Variants in DNLZ observed in about 807,000 individuals in gnomAD.
DNLZ encodes the protein DNL-type zinc finger, also known as DNL-type zinc finger protein.
A neutral mutation model predicts 7.8 loss-of-function variants in DNLZ; 15 were observed. The observed-to-expected ratio is 1.91, with a 90% CI of 1.28 to 2.95. The LOEUF (loss-of-function observed/expected upper bound fraction) is 2.95. Among genes scored for constraint, DNLZ ranks in the 30% most tolerant of loss-of-function variants. The pLI, the probability that DNLZ is intolerant of heterozygous loss-of-function variation, is 0.00. For synonymous variants in DNLZ, 123 were observed against 77.8 expected, an observed-to-expected ratio of 1.58 and a Z score of -3.05; for missense variants, 255 against 167.3, an observed-to-expected ratio of 1.52 and a Z score of -2.89.
chr9:136,362,861 T>C, intron 2 of DNLZ, 128 bp downstream of exon 2: 1 of 790,068 alleles, frequency 1.3e-6, no homozygotes, highest in Non-Finnish European at 2.1e-6. Flanking sequence ...CTGTGTGTCT[T>C]GTATTGATAA....
At position 136,363,719 on chromosome 9, in the gene DNLZ, C is replaced by T. The variant is rs908140474; in HGVS notation, c.-5G>A. 5 of 461,608 alleles carry T rather than the reference C, an allele frequency of 1.1e-5. No individual in the cohort carries two copies. The highest frequency in any genetic ancestry group is 3.0e-5 in the South Asian group (1 of 33,280). The allele number at this position is 461,608 out of a possible 1,614,324, so 28.6% of individuals were successfully genotyped here. On this transcript the variant is annotated 5_prime_UTR_variant, in exon 1 of 3. Transcript: ENST00000371738. ...GCGCAGCGCAGTCCGCAGCATCCCG[C>T]TCGCCGGCTCCGTCCGCCCTGCCCC... is the stretch of plus-strand genomic sequence containing the variant.
Position 136,360,894 on chromosome 9 carries a change from A to C in DNLZ, c.*1118T>G, listed in dbSNP as rs576128055. The stretch of plus-strand genomic sequence containing the variant: ...CTGGAGGCAGTGAGGCAGCCAAGCC[A>C]AGCCCAGCCCCACTGCACTTCCAAG... On this transcript the variant is annotated 3_prime_UTR_variant, in exon 3 of 3. Coordinates refer to ENST00000371738, the MANE Select transcript of DNLZ (RefSeq NM_001080849.3). The C allele has an allele frequency of 1.1e-4, 16 of 152,336 alleles. No individual in the cohort carries two copies. The highest frequency in any genetic ancestry group is 3.1e-4 in the African/African-American group (13 of 41,546). 9.4% of individuals were successfully genotyped at this position (152,336 alleles called of 1,614,324 possible).
At position 136,363,741 on chromosome 9, in the gene DNLZ, C is replaced by CCCCGGCCCTGT. The variant is rs1833034743; in HGVS notation, c.-28_-27insACAGGGCCGGG. 2.1e-6 allele frequency: 1 copy of CCCCGGCCCTGT among 485,256 alleles called. No homozygotes were observed. Among genetic ancestry groups the CCCCGGCCCTGT allele is most frequent in the Non-Finnish European group, 3.6e-6 (1 of 280,940 alleles). The allele number at this position is 485,256 out of a possible 1,614,324, so 30.1% of individuals were successfully genotyped here. A position where few individuals can be genotyped will look rare whatever the true frequency, so the allele number is the denominator to read the frequency against. On this transcript the variant is annotated 5_prime_UTR_variant, in exon 1 of 3. Transcript: ENST00000371738. ...CCGCTCGCCGGCTCCGTCCGCCCTG[C>CCCCGGCCCTGT]CCCGGCCCCGCCCCGCCGCCATCTT...
Position 136,363,126 on chromosome 9 carries a change from G to T in DNLZ, c.231C>A (p.Val77=). Residue 77 remains valine, a splice_region_variant and synonymous_variant, in exon 2 of 3, where the codon GTC becomes GTA. Transcript: ENST00000371738. The stretch of plus-strand genomic sequence containing the variant: ...TGCGCTTGGAGGACCTAGTCCCGCA[G>T]ACCTGGCTGGGACAGGGTAGCTGGT... ...AHYQLVYTCK[V]CGTRSSKRIS... The T allele has an allele frequency of 6.2e-7, 1 of 1,613,168 alleles. No individual in the cohort carries two copies. The highest frequency in any genetic ancestry group is 8.5e-7 in the Non-Finnish European group (1 of 1,179,938).
chr9:136,362,968 G>A, intron 2 of DNLZ, 21 bp downstream of exon 2: 1 of 1,612,916 alleles, frequency 6.2e-7, no homozygotes, highest in Non-Finnish European at 8.5e-7. Flanking sequence ...TTCTGGCCCA[G>A]CCCTGGGGTA....
At position 136,363,632 on chromosome 9, in the gene DNLZ, C is replaced by A. The variant is rs991838959; in HGVS notation, c.83G>T (p.Gly28Val). ...PRAPCLRRLW[G>V]RGARPEVAGR... ...CGCGACCTCTGGACGGGCCCCGCGGCCCCACAGCCGCCTCAGGCAGGGCGC... is the reference window on the plus strand; with the variant it reads ...CGCGACCTCTGGACGGGCCCCGCGGACCCACAGCCGCCTCAGGCAGGGCGC... Residue 28 changes from glycine to valine, a missense_variant, in exon 1 of 3, where the codon GGC (glycine) becomes GTC (valine). Gly to Val is a moderately radical substitution (Grantham distance 109). Transcript: ENST00000371738. 5.8e-5 allele frequency: 26 copies of A among 450,410 alleles called. No individual in the cohort carries two copies. The highest frequency in any genetic ancestry group is 9.3e-5 in the Non-Finnish European group (24 of 258,670). 27.9% of individuals were successfully genotyped at this position (450,410 alleles called of 1,614,324 possible).
rs1429953953 is a variant in DNLZ at position 136,359,636 on chromosome 9, C to T, written c.*2376G>A. 2 of 152,372 alleles carry T rather than the reference C, an allele frequency of 1.3e-5. No homozygotes were observed. Among genetic ancestry groups the T allele is most frequent in the Non-Finnish European group, 2.9e-5 (2 of 68,044 alleles). The allele number at this position is 152,372 out of a possible 1,614,324, so 9.4% of individuals were successfully genotyped here. ...TATGGGCTTAGTCCCGGGTGGGGGC[C>T]TAACCCGGTAAGAGGCTGCACTGTG... is the stretch of plus-strand genomic sequence containing the variant. On this transcript the variant is annotated 3_prime_UTR_variant, in exon 3 of 3. Transcript: ENST00000371738.
chr9:136,361,689 C>T lies in DNLZ; in HGVS notation c.*323G>A, dbSNP rs10747047. ...TGGTGACCTGCTCAAAGTCACGCAG[C>T]GACAGCCAGGAAGGGCTCTGACGCC... is the stretch of plus-strand genomic sequence containing the variant. On this transcript the variant is annotated 3_prime_UTR_variant, in exon 3 of 3. Transcript: ENST00000371738. The T allele has an allele frequency of 0.28, 75,779 of 270,900 alleles. 12,107 individuals are homozygous for T. The highest frequency in any genetic ancestry group is 0.35 in the Admixed American group (6,596 of 18,602). The allele number at this position is 270,900 out of a possible 1,614,324, so 16.8% of individuals were successfully genotyped here. A position where few individuals can be genotyped will look rare whatever the true frequency, so the allele number is the denominator to read the frequency against.
At chr9:136,363,451 G>C (rs140876101) in intron 1 of DNLZ, 36 bp downstream of exon 1, 16 of 762,134 alleles carry the variant, frequency 2.1e-5, no homozygotes, top group Non-Finnish European at 3.1e-5. Context: ...CGTCAGATAC[G>C]GGTCTGTCCC....
rs768842325 is a variant in DNLZ at position 136,361,604 on chromosome 9, G to A, written c.*408C>T. The A allele has an allele frequency of 9.5e-5, 16 of 167,574 alleles. No individual in the cohort carries two copies. The highest frequency in any genetic ancestry group is 1.7e-4 in the Non-Finnish European group (13 of 78,740). The allele number at this position is 167,574 out of a possible 1,614,324, so 10.4% of individuals were successfully genotyped here. The stretch of plus-strand genomic sequence containing the variant: ...TGCACTGGCTCACGGAAGGGAGGCC[G>A]CCAGAGCTGGCCAGGGGGGCGGCAA... On this transcript the variant is annotated 3_prime_UTR_variant, in exon 3 of 3. Transcript: ENST00000371738.
rs200315469 is a variant in DNLZ at position 136,363,136 on chromosome 9, G to C, written c.229-8C>G. The stretch of plus-strand genomic sequence containing the variant: ...GGACCTAGTCCCGCAGACCTGGCTG[G>C]GACAGGGTAGCTGGTGAGGCTGTGA... On this transcript the variant is annotated splice_region_variant and splice_polypyrimidine_tract_variant and intron_variant, in intron 1 of 2. Transcript: ENST00000371738. 3 of 1,612,848 alleles carry C rather than the reference G, an allele frequency of 1.9e-6. No homozygotes were observed. Among genetic ancestry groups the C allele is most frequent in the South Asian group, 1.1e-5 (1 of 91,084 alleles).
rs1287276341 is a variant in DNLZ at position 136,363,743 on chromosome 9, C to G, written c.-29G>C. 4 of 484,026 alleles carry G rather than the reference C, an allele frequency of 8.3e-6. No homozygotes were observed. The highest frequency in any genetic ancestry group is 1.4e-5 in the Non-Finnish European group (4 of 280,202). The allele number at this position is 484,026 out of a possible 1,614,324, so 30.0% of individuals were successfully genotyped here. A position where few individuals can be genotyped will look rare whatever the true frequency, so the allele number is the denominator to read the frequency against. ...GCTCGCCGGCTCCGTCCGCCCTGCCCCGGCCCCGCCCCGCCGCCATCTTGG... is the reference window on the plus strand; with the variant it reads ...GCTCGCCGGCTCCGTCCGCCCTGCCGCGGCCCCGCCCCGCCGCCATCTTGG... On this transcript the variant is annotated 5_prime_UTR_variant, in exon 1 of 3. Transcript: ENST00000371738.
Position 136,361,652 on chromosome 9 carries a change from G to A in DNLZ, c.*360C>T. ...CAAGGGCCTTGCAGAGGAAGGCTGA[G>A]GCTCACAGGGGTGGTGACCTGCTCA... On this transcript the variant is annotated 3_prime_UTR_variant, in exon 3 of 3. Transcript: ENST00000371738. The A allele has an allele frequency of 4.8e-6, 1 of 209,288 alleles. No individual in the cohort carries two copies. The highest frequency in any genetic ancestry group is 9.4e-6 in the Non-Finnish European group (1 of 105,960). The allele number at this position is 209,288 out of a possible 1,614,324, so 13.0% of individuals were successfully genotyped here.
intron 2 of DNLZ, 133 bp downstream of exon 2, chr9:136,362,856 T>C (rs966169382): frequency 5.5e-6 from 4 of 721,352 alleles, no homozygotes; most frequent in East Asian, 2.7e-5. Flanking sequence ...TTTAACTGTG[T>C]GTCTTGTATT....
Position 136,363,687 on chromosome 9 carries a change from G to GCGCGC in DNLZ, c.23_27dup (p.Pro10AlafsTer6), listed in dbSNP as rs764345959. The GCGCGC allele has an allele frequency of 8.0e-4, 332 of 416,306 alleles. No homozygotes were observed. The highest frequency in any genetic ancestry group is 1.1e-3 in the Non-Finnish European group (273 of 238,242). 25.8% of individuals were successfully genotyped at this position (416,306 alleles called of 1,614,324 possible). A position where few individuals can be genotyped will look rare whatever the true frequency, so the allele number is the denominator to read the frequency against. Reference sequence around the variant, plus strand: ...GGCTGCACGCGACTCAGCAACCTCGGCGCGCCGCGCAGCGCAGTCCGCAGC... The same window carrying GCGCGC: ...GGCTGCACGCGACTCAGCAACCTCGGCGCGCCGCGCCGCGCAGCGCAGTCCGCAGC... On this transcript the variant is annotated frameshift_variant, in exon 1 of 3. Coordinates refer to ENST00000371738, the MANE Select transcript of DNLZ (RefSeq NM_001080849.3). LOFTEE classifies it high-confidence loss of function.
Position 136,362,170 on chromosome 9 carries a change from C to T in DNLZ, c.379G>A (p.Glu127Lys), listed in dbSNP as rs756581936. The T allele has an allele frequency of 6.7e-7, 1 of 1,492,096 alleles. No homozygotes were observed. 92.4% of individuals were successfully genotyped at this position (1,492,096 alleles called of 1,614,324 possible). A position where few individuals can be genotyped will look rare whatever the true frequency, so the allele number is the denominator to read the frequency against. Residue 127 changes from glutamate to lysine, a missense_variant, in exon 3 of 3, where the codon GAG becomes AAG. By Grantham distance (56) the Glu-to-Lys change is moderately conservative. Coordinates refer to ENST00000371738, the MANE Select transcript of DNLZ (RefSeq NM_001080849.3). Reference sequence around the variant, plus strand: ...TGCTCGCCTCTGGCCGTCAGGATCTCTTCGATATTTCTGGGGGGCAGGGAG... The same window carrying T: ...TGCTCGCCTCTGGCCGTCAGGATCTTTTCGATATTTCTGGGGGGCAGGGAG... ...SDLNGKRNIE[E>K]ILTARGEQVH...
In DNLZ at chr9:136,363,621, GGGCCCCGC is replaced by G; in HGVS notation, c.86_93del (p.Arg29ProfsTer50). 1 of 479,510 alleles carries G rather than the reference GGGCCCCGC, an allele frequency of 2.1e-6. No homozygotes were observed. The highest frequency in any genetic ancestry group is 3.7e-6 in the Non-Finnish European group (1 of 272,394). The allele number at this position is 479,510 out of a possible 1,614,324, so 29.7% of individuals were successfully genotyped here. A position where few individuals can be genotyped will look rare whatever the true frequency, so the allele number is the denominator to read the frequency against. The stretch of plus-strand genomic sequence containing the variant: ...CGCCGCCTCCCCGCGACCTCTGGAC[GGGCCCCGC>G]GGCCCCACAGCCGCCTCAGGCAGGG... On this transcript the variant is annotated frameshift_variant, in exon 1 of 3. Transcript: ENST00000371738. LOFTEE classifies it high-confidence loss of function.
At chr9:136,363,452 G>A (rs773446480) in intron 1 of DNLZ, 35 bp downstream of exon 1, 6 of 762,144 alleles carry the variant, frequency 7.9e-6, no homozygotes, top group South Asian at 4.0e-5. Context: ...GTCAGATACG[G>A]GTCTGTCCCC....
In DNLZ at chr9:136,361,431, A is replaced by G. The variant is rs1832978458; in HGVS notation, c.*581T>C. On this transcript the variant is annotated 3_prime_UTR_variant, in exon 3 of 3. Coordinates refer to ENST00000371738, the MANE Select transcript of DNLZ (RefSeq NM_001080849.3). ...CGTCCAGAGCGCTGTCCACCGAGGGAAGGAGGCCCAGGTGGCTCCCCCGGG... is the reference window on the plus strand; with the variant it reads ...CGTCCAGAGCGCTGTCCACCGAGGGGAGGAGGCCCAGGTGGCTCCCCCGGG... 1 of 152,246 alleles carries G rather than the reference A, an allele frequency of 6.6e-6. No homozygotes were observed. Among genetic ancestry groups the G allele is most frequent in the Non-Finnish European group, 1.5e-5 (1 of 68,086 alleles). The allele number at this position is 152,246 out of a possible 1,614,324, so 9.4% of individuals were successfully genotyped here.
Sources: gnomAD v4.1 joint callset for allele counts on GRCh38, gnomAD v4.1.1 for gene constraint, MANE v1.5 for transcripts, NCBI Gene and HGNC (gene_info 2026-07-23, HGNC 2026-07-21) for gene names.